Variants in MIPEP observed in about 807,000 individuals in gnomAD.
MIPEP encodes the protein mitochondrial intermediate peptidase.
A neutral mutation model predicts 90.3 loss-of-function variants in MIPEP; 79 were observed. That is an observed-to-expected ratio of 0.87 (90% confidence interval 0.73 to 1.05). The LOEUF (loss-of-function observed/expected upper bound fraction) is 1.05, where lower values mean the gene tolerates loss of function less well. MIPEP is among the 50% of genes least tolerant of loss of function. The pLI, the probability that MIPEP is intolerant of heterozygous loss-of-function variation, is 0.00. For missense variants in MIPEP, 940 were observed against 905.6 expected, an observed-to-expected ratio of 1.04 and a Z score of -0.49; for synonymous variants, 334 against 315.8, an observed-to-expected ratio of 1.06 and a Z score of -0.61.
chr13:23,732,605 A>T lies in MIPEP; in HGVS notation c.2045-2160T>A, dbSNP rs116169383. On this transcript the variant is annotated intron_variant, in intron 18 of 18. Transcript: ENST00000382172. ...ACAAAAAGGAACAAACTATTCATAC[A>T]TGCAACAACACAAACGGATCTCAAA... is the stretch of plus-strand genomic sequence containing the variant. Among the ~76,000 whole-genome samples, 694 of 152,372 alleles carry T rather than the reference A, an allele frequency of 4.6e-3. 4 individuals carry two copies. Among genetic ancestry groups the T allele is most frequent in the African/African-American group, 0.015 (636 of 41,586 alleles).
chr13:23,804,269 T>C (rs1300151233), intron 16 of MIPEP, among the ~76,000 whole-genome samples: 1 of 152,252 alleles, frequency 6.6e-6, no homozygotes, highest in Non-Finnish European at 1.5e-5. Flanking sequence ...TGAAGTTTTG[T>C]AGCTTTGGCA....
intron 18 of MIPEP, among the ~76,000 whole-genome samples, chr13:23,732,533 G>A (rs766880964): frequency 6.6e-6 from 1 of 152,172 alleles, no homozygotes; most frequent in Non-Finnish European, 1.5e-5. Flanking sequence ...AATAGGACAT[G>A]AATACACACA....
intron 3 of MIPEP, among the ~76,000 whole-genome samples, chr13:23,880,125 G>A (rs1444266286): frequency 6.6e-6 from 1 of 152,130 alleles, no homozygotes; most frequent in African/African-American, 2.4e-5. Flanking sequence ...AGAGACTCAA[G>A]GATACTCCTG....
chr13:23,886,359 C>A lies in MIPEP; in HGVS notation c.337G>T (p.Asp113Tyr). The A allele has an allele frequency of 6.3e-7, 1 of 1,594,394 alleles. No homozygotes were observed. Among genetic ancestry groups the A allele is most frequent in the Non-Finnish European group, 8.5e-7 (1 of 1,169,958 alleles). Residue 113 changes from aspartate to tyrosine, a missense_variant, in exon 2 of 19, where the codon GAT (aspartate) becomes TAT (tyrosine). By Grantham distance (160) the Asp-to-Tyr change is radical (BLOSUM62 -3). Transcript: ENST00000382172. Reference protein sequence around the residue: ...QTVLIFDELSDSLCRVADLAD... With the variant: ...QTVLIFDELSYSLCRVADLAD... ...AAGTCGGCCACTCTGCATAAGGAAT[C>A]CGAGAGCTCATCGAAGATCAGCACG...
intron 14 of MIPEP, among the ~76,000 whole-genome samples, chr13:23,827,769 T>G (rs1328692632): frequency 6.6e-6 from 1 of 152,124 alleles, no homozygotes; most frequent in East Asian, 1.9e-4. Context: ...CCACCTCTAC[T>G]AAAATTACAA....
intron 16 of MIPEP, among the ~76,000 whole-genome samples, chr13:23,774,984 CAG>C (rs547708821): frequency 2.0e-4 from 31 of 151,508 alleles, no homozygotes; most frequent in Admixed American, 6.6e-4. Context: ...TTAGTAGAGA[CAG>C]GGGGGTTTTG....
intron 9 of MIPEP, 137 bp downstream of exon 9, chr13:23,862,165 T>G (rs1366287992): frequency 3.3e-5 from 21 of 640,186 alleles, no homozygotes; most frequent in Non-Finnish European, 4.8e-5. Flanking sequence ...TTCAACATCT[T>G]TATTCACCAA....
intron 10 of MIPEP, among the ~76,000 whole-genome samples, chr13:23,852,315 TA>T (rs1353602336): frequency 6.6e-6 from 1 of 152,192 alleles, no homozygotes; most frequent in Non-Finnish European, 1.5e-5. Flanking sequence ...TATTAGGTAA[TA>T]ATGATACAAG....
At chr13:23,849,834 G>C (rs748426974) in intron 10 of MIPEP, among the ~76,000 whole-genome samples, 1 of 152,204 alleles carries the variant, frequency 6.6e-6, no homozygotes, top group Non-Finnish European at 1.5e-5. Context: ...CACACTCTAT[G>C]AGTCAGACTT....
chr13:23,763,910 G>A (rs191074652), intron 16 of MIPEP, among the ~76,000 whole-genome samples: 289 of 152,272 alleles, frequency 1.9e-3, no homozygotes, highest in Non-Finnish European at 3.6e-3. Flanking sequence ...ACTGTTGTTT[G>A]AACACAATTG....
At chr13:23,819,956 C>A (rs1465450303) in intron 14 of MIPEP, among the ~76,000 whole-genome samples, 1 of 151,820 alleles carries the variant, frequency 6.6e-6, no homozygotes, top group Non-Finnish European at 1.5e-5. Flanking sequence ...TTGCAGTGAG[C>A]TGAGATTGCA....
At chr13:23,887,343 G>A (rs866676049) in intron 1 of MIPEP, among the ~76,000 whole-genome samples, 1 of 152,192 alleles carries the variant, frequency 6.6e-6, no homozygotes, top group Non-Finnish European at 1.5e-5. Flanking sequence ...CATGAAGTGT[G>A]CCTGCTACTT....
chr13:23,855,215 T>A (rs1045382060), intron 10 of MIPEP, among the ~76,000 whole-genome samples: 1 of 152,204 alleles, frequency 6.6e-6, no homozygotes, highest in Non-Finnish European at 1.5e-5. Context: ...TACTCTTCCA[T>A]GAAGAATCTT....
At chr13:23,758,621 T>C (rs1952509651) in intron 17 of MIPEP, among the ~76,000 whole-genome samples, 1 of 152,190 alleles carries the variant, frequency 6.6e-6, no homozygotes, top group African/African-American at 2.4e-5. Flanking sequence ...CTTTTAAAAA[T>C]AAAATCTGAA....
At chr13:23,750,892 G>A (rs1952434256) in intron 18 of MIPEP, among the ~76,000 whole-genome samples, 1 of 152,172 alleles carries the variant, frequency 6.6e-6, no homozygotes, top group African/African-American at 2.4e-5. Flanking sequence ...CTTTCAGTGG[G>A]CCCCTGCTGC....
At chr13:23,866,696 C>T (rs568544710) in intron 7 of MIPEP, among the ~76,000 whole-genome samples, 8 of 152,186 alleles carry the variant, frequency 5.3e-5, no homozygotes, top group Non-Finnish European at 1.0e-4. Flanking sequence ...GGCCCCAGAG[C>T]GCAGTCCTTG....
chr13:23,740,431 CA>C (rs5802249), intron 18 of MIPEP, among the ~76,000 whole-genome samples: 203 of 135,818 alleles, frequency 1.5e-3, no homozygotes, highest in Middle Eastern at 3.8e-3. Context: ...TCTGTGGCCT[CA>C]AAAAAAAAAA....
intron 9 of MIPEP, among the ~76,000 whole-genome samples, chr13:23,859,236 G>A (rs752414932): frequency 6.6e-6 from 1 of 152,160 alleles, no homozygotes; most frequent in Non-Finnish European, 1.5e-5. Context: ...TTCCCAAAAT[G>A]TAACCCATGT....
At chr13:23,758,238 C>T (rs922728974) in intron 17 of MIPEP, among the ~76,000 whole-genome samples, 2 of 152,152 alleles carry the variant, frequency 1.3e-5, no homozygotes, top group East Asian at 1.9e-4. Flanking sequence ...CAAATCCCTC[C>T]CCACAGGCCT....
Sources: gnomAD v4.1 joint callset for allele counts (sites outside exome capture counted in the v4.1 genomes callset) on GRCh38, gnomAD v4.1.1 for gene constraint, MANE v1.5 for transcripts, NCBI Gene and HGNC (gene_info 2026-07-23, HGNC 2026-07-21) for gene names.